The following PTPRE variants were observed in gnomAD, a reference collection of about 807,000 sequenced individuals.
PTPRE encodes protein tyrosine phosphatase receptor type E, also known as receptor-type tyrosine-protein phosphatase epsilon.
A neutral mutation model predicts 102.0 loss-of-function variants in PTPRE; 51 were observed. The ratio of observed to expected loss-of-function variants is 0.50; its 90% CI spans 0.40 to 0.63. PTPRE has a LOEUF of 0.63. PTPRE is among the 30% of genes least tolerant of loss of function. PTPRE has a pLI of 0.00. For synonymous variants in PTPRE, 345 were observed against 348.2 expected, an observed-to-expected ratio of 0.99 and a Z score of 0.10; for missense variants, 752 against 915.1, an observed-to-expected ratio of 0.82 and a Z score of 2.30.
intron 2 of PTPRE, among the ~76,000 whole-genome samples, chr10:128,032,867 T>C (rs185922021): frequency 1.9e-4 from 29 of 152,348 alleles, no homozygotes; most frequent in Admixed American, 4.6e-4. Flanking sequence ...ATGGTGTGAA[T>C]CTGCAACTCT....
Position 128,047,437 on chromosome 10 carries a change from C to T in PTPRE, c.157C>T (p.Leu53=), listed in dbSNP as rs757628963. ...CCAGCCGCTGCTGGCCTGGCTGCTA[C>T]TGCCGCTGCTGCTCCTCCTCCTCGT... ...ASQPLLAWLL[L]PLLLLLLVLL... is the part of the protein sequence containing the mutation. Residue 53 remains leucine, a synonymous_variant, in exon 4 of 21, where the codon CTG becomes TTG. Transcript: ENST00000254667. The T allele has an allele frequency of 6.2e-7, 1 of 1,613,232 alleles. No individual in the cohort carries two copies. The highest frequency in any genetic ancestry group is 1.1e-5 in the South Asian group (1 of 91,066).
intron 1 of PTPRE, among the ~76,000 whole-genome samples, chr10:127,976,488 G>A (rs1851189331): frequency 6.6e-6 from 1 of 152,140 alleles, no homozygotes; most frequent in Admixed American, 6.5e-5. Context: ...GGCAGGCAGG[G>A]ATGCACGTGG....
At chr10:128,052,700 C>T (rs1463652716) in intron 6 of PTPRE, among the ~76,000 whole-genome samples, 3 of 152,182 alleles carry the variant, frequency 2.0e-5, no homozygotes, top group Non-Finnish European at 2.9e-5. Flanking sequence ...TCGTCCCTAC[C>T]TCCATCCTAG....
intron 19 of PTPRE, among the ~76,000 whole-genome samples, chr10:128,079,342 TC>T (rs1255602507): frequency 1.3e-5 from 2 of 152,212 alleles, no homozygotes; most frequent in Non-Finnish European, 2.9e-5. Context: ...AATATCGGTC[TC>T]CTGTAATTAG....
chr10:128,080,339 G>A (rs1252017896), intron 20 of PTPRE, among the ~76,000 whole-genome samples: 17 of 152,034 alleles, frequency 1.1e-4, no homozygotes, highest in Non-Finnish European at 2.2e-4. Context: ...TTCCCACTTC[G>A]CACCTGTCCT....
intron 1 of PTPRE, among the ~76,000 whole-genome samples, chr10:127,968,009 G>GGT (rs142445895): frequency 0.19 from 27,243 of 143,056 alleles, 2,626 homozygotes; most frequent in Non-Finnish European, 0.22. Flanking sequence ...TTGCTCTATA[G>GGT]GTGTGTGTGT....
intron 9 of PTPRE, 25 bp downstream of exon 9, chr10:128,061,740 C>T (rs766537433): frequency 2.8e-5 from 44 of 1,573,434 alleles, no homozygotes; most frequent in Admixed American, 6.1e-5. Context: ...AATTTCTCAA[C>T]GTATTTTTGG....
At chr10:128,061,527 T>C (rs1296157676) in intron 8 of PTPRE, 152 bp from the exon 9 acceptor site, 2 of 922,416 alleles carry the variant, frequency 2.2e-6, no homozygotes, top group African/African-American at 1.7e-5. Context: ...ATTTCTGGAA[T>C]TGCTGGTGAG....
intron 7 of PTPRE, among the ~76,000 whole-genome samples, chr10:128,059,903 T>C (rs573922446): frequency 6.6e-6 from 1 of 152,158 alleles, no homozygotes; most frequent in East Asian, 1.9e-4. Flanking sequence ...AAAGTCATGA[T>C]GGAGCCCTGA....
chr10:127,922,789 C>T (rs568074831), intron 1 of PTPRE, among the ~76,000 whole-genome samples: 1 of 152,358 alleles, frequency 6.6e-6, no homozygotes, highest in South Asian at 2.1e-4. Flanking sequence ...CGGCTTCTGT[C>T]GGGCCATTTC....
intron 1 of PTPRE, among the ~76,000 whole-genome samples, chr10:127,963,126 T>C (rs1433671154): frequency 6.6e-6 from 1 of 152,164 alleles, no homozygotes; most frequent in East Asian, 1.9e-4. Context: ...CTGGGGCCTA[T>C]GGAAATGCAG....
chr10:127,978,608 C>T (rs906891698), intron 1 of PTPRE, among the ~76,000 whole-genome samples: 18 of 152,168 alleles, frequency 1.2e-4, no homozygotes, highest in African/African-American at 2.2e-4. Flanking sequence ...TGGCTTCCTC[C>T]GGGAGGCCTA....
chr10:127,985,812 C>T (rs751303751), intron 2 of PTPRE, among the ~76,000 whole-genome samples: 10 of 151,100 alleles, frequency 6.6e-5, no homozygotes, highest in Admixed American at 1.3e-4. Flanking sequence ...ACATCTAGGC[C>T]GGGTGCGGTG....
chr10:127,944,000 G>T (rs1415054874), intron 1 of PTPRE, among the ~76,000 whole-genome samples: 3 of 152,182 alleles, frequency 2.0e-5, no homozygotes, highest in Non-Finnish European at 4.4e-5. Context: ...AAGCAATAGT[G>T]TTGGCCCAAC....
rs1854040271 is a variant in PTPRE, at chr10:128,002,579, C to T, written c.-8+20283C>T. 2.0e-5 allele frequency among the ~76,000 whole-genome samples: 3 copies of T among 150,336 alleles called. No individual in the cohort carries two copies. In the South Asian group the frequency reaches 6.4e-4, roughly 32 times the overall value. ...CCTGCTCCTGGCTGCTGGAGCCCTG[C>T]GTGGCACATGGCGCAGGCTCAGGCA... On this transcript the variant is annotated intron_variant, in intron 2 of 20. Coordinates refer to ENST00000254667, the MANE Select transcript of PTPRE (RefSeq NM_006504.6).
At chr10:127,996,053 G>T (rs1042417558) in intron 2 of PTPRE, among the ~76,000 whole-genome samples, 7 of 152,188 alleles carry the variant, frequency 4.6e-5, no homozygotes, top group African/African-American at 1.7e-4. Context: ...TGGACATCTT[G>T]TTGCCAGGAA....
At chr10:127,962,782 G>T (rs2135394851) in intron 1 of PTPRE, among the ~76,000 whole-genome samples, 1 of 152,356 alleles carries the variant, frequency 6.6e-6, no homozygotes, top group South Asian at 2.1e-4. Flanking sequence ...AGAGGCCGGG[G>T]ATGCAGCGGA....
chr10:128,030,247 T>C (rs1175270955), intron 2 of PTPRE, among the ~76,000 whole-genome samples: 1 of 152,234 alleles, frequency 6.6e-6, no homozygotes, highest in Non-Finnish European at 1.5e-5. Context: ...GCCACGCCGT[T>C]ACAATAACCA....
Position 128,063,131 on chromosome 10 carries a change from A to T in PTPRE, c.674A>T (p.Gln225Leu), listed in dbSNP as rs1408450169. Residue 225 changes from glutamine (Q) to leucine (L), a missense_variant, in exon 10 of 21, where the codon CAA becomes CTA. Transcript: ENST00000254667. ...VNDFWRMVWE[Q>L]KSATIVMLTN... ...GACTTCTGGAGAATGGTCTGGGAGC[A>T]AAAGTCTGCGACCATCGTCATGTTA... 6.2e-7 allele frequency: 1 copy of T among 1,614,254 alleles called. No individual in the cohort carries two copies.
Sources: allele counts gnomAD v4.1 joint callset (sites outside exome capture counted in the v4.1 genomes callset), GRCh38; gene constraint gnomAD v4.1.1; transcripts MANE v1.5; gene names NCBI Gene and HGNC (gene_info 2026-07-23, HGNC 2026-07-21).